Variants in SPATS2 observed in about 807,000 individuals in gnomAD.
The protein encoded by SPATS2 is spermatogenesis-associated serine-rich protein 2.
Under a neutral mutation model 63.7 loss-of-function variants are expected in SPATS2, and 38 were observed. That is an observed-to-expected ratio of 0.60 (90% CI 0.46 to 0.78). SPATS2 has a LOEUF of 0.78. Among genes scored for constraint, SPATS2 ranks in the 30% least tolerant of loss-of-function variants. SPATS2 has a pLI of 0.00. For missense variants in SPATS2, 588 were observed against 666.2 expected, an observed-to-expected ratio of 0.88 and a Z score of 1.29; for synonymous variants, 207 against 232.9, an observed-to-expected ratio of 0.89 and a Z score of 1.01.
At chr12:49,396,144 G>T (rs1592357253) in intron 2 of SPATS2, among the ~76,000 whole-genome samples, 1 of 152,248 alleles carries the variant, frequency 6.6e-6, no homozygotes, top group East Asian at 1.9e-4. Context: ...TTCATCCGTT[G>T]ATGTACATTT....
At chr12:49,435,863 T>G (rs1945271884) in intron 2 of SPATS2, among the ~76,000 whole-genome samples, 2 of 150,486 alleles carry the variant, frequency 1.3e-5, no homozygotes, top group South Asian at 2.1e-4. Flanking sequence ...CATGCTGCCT[T>G]CAAGCATTTG....
At chr12:49,417,134 A>G (rs1237294889) in intron 2 of SPATS2, among the ~76,000 whole-genome samples, 7 of 152,214 alleles carry the variant, frequency 4.6e-5, no homozygotes, top group Non-Finnish European at 1.0e-4. Flanking sequence ...CTTTGGACTG[A>G]CATTTGATTT....
chr12:49,395,447 C>G (rs186281790), intron 2 of SPATS2, among the ~76,000 whole-genome samples: 1 of 146,662 alleles, frequency 6.8e-6, no homozygotes, highest in Non-Finnish European at 1.5e-5. Context: ...TTTTTTGAGA[C>G]AGAATCTCAC....
intron 2 of SPATS2, among the ~76,000 whole-genome samples, chr12:49,401,982 G>A (rs766238432): frequency 6.6e-6 from 1 of 150,476 alleles, no homozygotes; most frequent in Non-Finnish European, 1.5e-5. Flanking sequence ...TGATTGATTG[G>A]TTGATTGATT....
chr12:49,526,439 AT>A lies in SPATS2; in HGVS notation c.*192del. Reference sequence around the variant, plus strand: ...CTTTACCATTTTTGGAGGGGAAGCTATTTTTTTTCCTTGATCTTTCCCAGTG... The same window carrying A: ...CTTTACCATTTTTGGAGGGGAAGCTATTTTTTTCCTTGATCTTTCCCAGTG... On this transcript the variant is annotated 3_prime_UTR_variant, in exon 14 of 14. Transcript: ENST00000552918. 4.8e-5 allele frequency: 35 copies of A among 735,966 alleles called. No individual in the cohort carries two copies. The highest frequency in any genetic ancestry group is 6.1e-5 in the Non-Finnish European group (29 of 473,988). 45.6% of individuals were successfully genotyped at this position (735,966 alleles called of 1,614,324 possible).
At chr12:49,508,953 A>ACTTG (rs1946699194) in intron 9 of SPATS2, among the ~76,000 whole-genome samples, 1 of 151,924 alleles carries the variant, frequency 6.6e-6, no homozygotes, top group Non-Finnish European at 1.5e-5. Flanking sequence ...AGTCCCCACT[A>ACTTG]CTTGGGAGGC....
At chr12:49,390,933 C>T (rs897094770) in intron 2 of SPATS2, among the ~76,000 whole-genome samples, 1 of 152,108 alleles carries the variant, frequency 6.6e-6, no homozygotes, top group African/African-American at 2.4e-5. Context: ...ATTTGTTTTT[C>T]TCTTCTCTGG....
At chr12:49,507,156 A>G (rs1692811639) in intron 9 of SPATS2, among the ~76,000 whole-genome samples, 1 of 152,226 alleles carries the variant, frequency 6.6e-6, no homozygotes, top group Admixed American at 6.5e-5. Flanking sequence ...TTCTTAAGTC[A>G]CAACTTGTAG....
At position 49,385,357 on chromosome 12, in the gene SPATS2, A is replaced by AGTGTGTGTGTGTGT. The variant is rs57896651; in HGVS notation, c.-244+14087_-244+14100dup. 3.9e-3 allele frequency among the ~76,000 whole-genome samples: 556 copies of AGTGTGTGTGTGTGT among 142,066 alleles called. 4 individuals carry two copies. The highest frequency in any genetic ancestry group is 0.01 in the African/African-American group (393 of 38,118). The allele number at this position is 142,066 out of a possible 152,430, so 93.2% of individuals were successfully genotyped here. A position where few individuals can be genotyped will look rare whatever the true frequency, so the allele number is the denominator to read the frequency against. ...GACTGTGTGAGCATGTAAGTATATA[A>AGTGTGTGTGTGTGT]GTGTGTGTGTGTGTGTGTGTGTGTG... is the stretch of plus-strand genomic sequence containing the variant. On this transcript the variant is annotated intron_variant, in intron 2 of 13. Transcript: ENST00000552918.
intron 2 of SPATS2, among the ~76,000 whole-genome samples, chr12:49,443,471 A>C (rs1945459207): frequency 6.6e-6 from 1 of 151,550 alleles, no homozygotes; most frequent in South Asian, 2.1e-4. Flanking sequence ...CATAAGGTGC[A>C]TGTTGTTTTT....
chr12:49,520,461 C>G (rs1411630789), intron 11 of SPATS2, among the ~76,000 whole-genome samples: 1 of 152,076 alleles, frequency 6.6e-6, no homozygotes, highest in Non-Finnish European at 1.5e-5. Context: ...ACTTCCCCAT[C>G]ATATCTCCTC....
chr12:49,419,893 T>C (rs1041071775), intron 2 of SPATS2, among the ~76,000 whole-genome samples: 1 of 145,702 alleles, frequency 6.9e-6, no homozygotes, highest in Admixed American at 6.7e-5. Context: ...CATACTGTTT[T>C]ATTGGTGCAA....
At chr12:49,435,397 T>G (rs1945258485) in intron 2 of SPATS2, among the ~76,000 whole-genome samples, 1 of 151,144 alleles carries the variant, frequency 6.6e-6, no homozygotes, top group Non-Finnish European at 1.5e-5. Flanking sequence ...TGATCTTGGC[T>G]TACTGCAGTT....
In SPATS2 at chr12:49,526,486, G is replaced by A. The variant is rs1157308766; in HGVS notation, c.*231G>A. 2 of 549,414 alleles carry A rather than the reference G, an allele frequency of 3.6e-6. No individual in the cohort carries two copies. Among genetic ancestry groups the A allele is most frequent in the African/African-American group, 1.9e-5 (1 of 52,198 alleles). 34.0% of individuals were successfully genotyped at this position (549,414 alleles called of 1,614,324 possible). On this transcript the variant is annotated 3_prime_UTR_variant, in exon 14 of 14. Transcript: ENST00000552918. ...CAGTGATATGGATTGAATCTGGTTG[G>A]TCATTTCCACCAGGAATCAGAGGCA...
chr12:49,391,655 A>T (rs1944421139), intron 2 of SPATS2, among the ~76,000 whole-genome samples: 1 of 152,232 alleles, frequency 6.6e-6, no homozygotes, highest in South Asian at 2.1e-4. Context: ...ATAAAAGAAG[A>T]GTGTCAAACA....
chr12:49,436,399 C>A lies in SPATS2; in HGVS notation c.-243-24371C>A, dbSNP rs544270731. Among the ~76,000 whole-genome samples the A allele has an allele frequency of 6.3e-3, 901 of 142,056 alleles. 31 individuals carry two copies. The highest frequency in any genetic ancestry group is 0.023 in the African/African-American group (839 of 36,946). The allele number at this position is 142,056 out of a possible 152,430, so 93.2% of individuals were successfully genotyped here. The stretch of plus-strand genomic sequence containing the variant: ...ATGGGGCAGCTGGCCGGGTTGGGGG[C>A]TGACCCCCCCACCTCCCTCCCGGAG... On this transcript the variant is annotated intron_variant, in intron 2 of 13. Transcript: ENST00000552918.
chr12:49,516,606 T>C (rs1256296424), intron 10 of SPATS2, among the ~76,000 whole-genome samples: 2 of 151,302 alleles, frequency 1.3e-5, no homozygotes, highest in Non-Finnish European at 2.9e-5. Flanking sequence ...CTCGGGAGGC[T>C]GAGGCAGGAG....
At chr12:49,425,634 A>G (rs573182680) in intron 2 of SPATS2, among the ~76,000 whole-genome samples, 100 of 150,430 alleles carry the variant, frequency 6.6e-4, no homozygotes, top group Non-Finnish European at 1.3e-3. Context: ...AAGTGTTAAT[A>G]TTTCTGTCTT....
At chr12:49,410,365 C>T (rs557566795) in intron 2 of SPATS2, among the ~76,000 whole-genome samples, 6 of 152,204 alleles carry the variant, frequency 3.9e-5, no homozygotes, top group African/African-American at 1.2e-4. Flanking sequence ...TGTGAGCCAC[C>T]GTGCCCAGCC....
Sources: gnomAD v4.1 joint callset for allele counts (sites outside exome capture counted in the v4.1 genomes callset) on GRCh38, gnomAD v4.1.1 for gene constraint, MANE v1.5 for transcripts, NCBI Gene and HGNC (gene_info 2026-07-23, HGNC 2026-07-21) for gene names.